Variants in MEAK7 observed in about 807,000 individuals in gnomAD.
The protein encoded by MEAK7 is MTOR-associated protein MEAK7.
In MEAK7, 68 loss-of-function variants were observed where a neutral mutation model predicts 40.5. The ratio of observed to expected loss-of-function variants is 1.68; its 90% CI spans 1.38 to 2.06. MEAK7 has a LOEUF of 2.06. Ranked by LOEUF, MEAK7 falls within the 30% of genes most tolerant of loss-of-function variation. The probability of loss-of-function intolerance (pLI) is 0.00; values close to 1 mark genes in which losing one functional copy is unlikely to be tolerated. For missense variants in MEAK7, 918 were observed against 580.5 expected (o/e 1.58, Z -5.98); for synonymous variants, 338 against 231.9 (o/e 1.46, Z -4.16).
At chr16:84,492,663 C>T (rs948397836) in intron 3 of MEAK7, among the ~76,000 whole-genome samples, 7 of 152,076 alleles carry the variant, frequency 4.6e-5, no homozygotes, top group African/African-American at 1.7e-4. Context: ...CTCACTGCAA[C>T]CTCCACCTCT....
chr16:84,491,988 C>A (rs1913658160), intron 3 of MEAK7, among the ~76,000 whole-genome samples: 1 of 152,078 alleles, frequency 6.6e-6, no homozygotes. Flanking sequence ...AGACTTGAAT[C>A]CTGCTAAATC....
chr16:84,503,936 C>G, intron 1 of MEAK7: 1 of 985,618 alleles, frequency 1.0e-6, no homozygotes, highest in Non-Finnish European at 1.2e-6. Context: ...ATCCCTAGAG[C>G]CACACAAGGG....
chr16:84,491,922 G>A (rs1375696323), intron 3 of MEAK7, among the ~76,000 whole-genome samples: 1 of 151,816 alleles, frequency 6.6e-6, no homozygotes, highest in African/African-American at 2.4e-5. Flanking sequence ...ATTTTGTATT[G>A]TTTTTAAAGT....
chr16:84,481,825 T>G (rs887351988), intron 6 of MEAK7, among the ~76,000 whole-genome samples: 2 of 151,980 alleles, frequency 1.3e-5, no homozygotes, highest in African/African-American at 4.8e-5. Context: ...TCCCAGCTAC[T>G]TGGGAGGCTG....
At chr16:84,503,919 G>A in intron 1 of MEAK7, 3 of 984,900 alleles carry the variant, frequency 3.0e-6, no homozygotes, top group Non-Finnish European at 3.6e-6. Flanking sequence ...TACTCCAAGG[G>A]CCCCGCATCC....
intron 2 of MEAK7, chr16:84,497,229 G>A: frequency 2.8e-6 from 1 of 360,362 alleles, no homozygotes; most frequent in Non-Finnish European, 5.2e-6. Context: ...CCAGGAAGAT[G>A]AGCTGACGGC....
chr16:84,490,620 T>C (rs1292144700), intron 3 of MEAK7, among the ~76,000 whole-genome samples: 1 of 146,350 alleles, frequency 6.8e-6, no homozygotes, highest in Non-Finnish European at 1.5e-5. Flanking sequence ...AAGAGCTCAA[T>C]GGTTAAAGTC....
chr16:84,496,189 C>T (rs1420620167), intron 2 of MEAK7, among the ~76,000 whole-genome samples: 1 of 152,200 alleles, frequency 6.6e-6, no homozygotes, highest in Non-Finnish European at 1.5e-5. Context: ...GGCAACATGG[C>T]CGCCTCCACA....
intron 3 of MEAK7, among the ~76,000 whole-genome samples, chr16:84,495,274 A>T (rs776967444): frequency 7.2e-5 from 11 of 152,334 alleles, no homozygotes; most frequent in Admixed American, 3.3e-4. Context: ...ATTTCAAAAA[A>T]TAAATAAATA....
chr16:84,483,891 G>C (rs1038945576), intron 5 of MEAK7, among the ~76,000 whole-genome samples: 2 of 152,188 alleles, frequency 1.3e-5, no homozygotes, highest in African/African-American at 4.8e-5. Flanking sequence ...AGGATAGTTA[G>C]GCTAGAAAGT....
At chr16:84,496,018 A>C (rs1338377782) in intron 2 of MEAK7, 105 bp from the exon 3 acceptor site, 1 of 1,278,774 alleles carries the variant, frequency 7.8e-7, no homozygotes. Context: ...GGTCCTTGGG[A>C]AGTTTTCGTT....
chr16:84,480,507 T>G, intron 7 of MEAK7, 22 bp downstream of exon 7: 1 of 1,578,036 alleles, frequency 6.3e-7, no homozygotes, highest in Non-Finnish European at 8.6e-7. Context: ...CATCCTGGGA[T>G]GCAGAGGACA....
At chr16:84,498,355 A>G (rs1914228564) in intron 1 of MEAK7, among the ~76,000 whole-genome samples, 1 of 151,640 alleles carries the variant, frequency 6.6e-6, no homozygotes, top group Non-Finnish European at 1.5e-5. Context: ...TGCAGCCTCA[A>G]CCTCCTGGGC....
chr16:84,488,813 A>G (rs564446657), intron 4 of MEAK7, among the ~76,000 whole-genome samples: 17 of 152,354 alleles, frequency 1.1e-4, no homozygotes, highest in Non-Finnish European at 2.1e-4. Flanking sequence ...GAAATGTGCA[A>G]GTGTAAATGC....
At chr16:84,501,579 C>A (rs1436689003) in intron 1 of MEAK7, among the ~76,000 whole-genome samples, 1 of 152,124 alleles carries the variant, frequency 6.6e-6, no homozygotes, top group East Asian at 1.9e-4. Context: ...GCGGCGCAGA[C>A]CAGGGCAGGC....
At chr16:84,492,569 TTTTA>T (rs58022971) in intron 3 of MEAK7, among the ~76,000 whole-genome samples, 12 of 146,702 alleles carry the variant, frequency 8.2e-5, no homozygotes, top group African/African-American at 2.5e-4. Flanking sequence ...AAGTGTTTTA[TTTTA>T]TTTATTTATT....
intron 3 of MEAK7, among the ~76,000 whole-genome samples, chr16:84,491,824 A>G (rs1421006538): frequency 6.8e-6 from 1 of 146,888 alleles, no homozygotes; most frequent in Non-Finnish European, 1.5e-5. Flanking sequence ...GTGAAGGCGC[A>G]AGACTCCGTC....
At chr16:84,502,080 G>A (rs1914548838) in intron 1 of MEAK7, among the ~76,000 whole-genome samples, 1 of 152,124 alleles carries the variant, frequency 6.6e-6, no homozygotes, top group South Asian at 2.1e-4. Context: ...GGGGGCGGAG[G>A]TTGCAATGAG....
intron 3 of MEAK7, among the ~76,000 whole-genome samples, chr16:84,490,363 A>T (rs1597946618): frequency 6.7e-6 from 1 of 149,598 alleles, no homozygotes; most frequent in South Asian, 2.1e-4. Context: ...TATTTCCATA[A>T]CCTTTACTAG....
Sources: gnomAD v4.1 joint callset for allele counts (sites outside exome capture counted in the v4.1 genomes callset) on GRCh38, gnomAD v4.1.1 for gene constraint, MANE v1.5 for transcripts, NCBI Gene and HGNC (gene_info 2026-07-23, HGNC 2026-07-21) for gene names.